CCSER1: variants seen among roughly 807,000 people sequenced by gnomAD.
CCSER1 encodes serine-rich coiled-coil domain-containing protein 1.
Under a neutral mutation model 82.0 loss-of-function variants are expected in CCSER1, and 41 were observed. The ratio of observed to expected loss-of-function variants is 0.50; its 90% confidence interval spans 0.39 to 0.65. CCSER1 has a LOEUF of 0.65. CCSER1 is among the 30% of genes least tolerant of loss of function. The pLI is 0.00. For synonymous variants in CCSER1, 414 were observed against 383.9 expected, an observed-to-expected ratio of 1.08 and a Z score of -0.92; for missense variants, 1,119 against 1,064.2, an observed-to-expected ratio of 1.05 and a Z score of -0.72.
chr4:91,463,697 C>T (rs866112428), intron 10 of CCSER1, among the ~76,000 whole-genome samples: 17 of 152,046 alleles, frequency 1.1e-4, no homozygotes, highest in African/African-American at 3.4e-4. Context: ...ACGAGAGCTA[C>T]GTGATTAATG....
At chr4:90,897,551 A>C (rs1447467212) in intron 8 of CCSER1, among the ~76,000 whole-genome samples, 1 of 152,040 alleles carries the variant, frequency 6.6e-6, no homozygotes, top group African/African-American at 2.4e-5. Flanking sequence ...ATAAACACTA[A>C]GGTTGGTTTC....
intron 8 of CCSER1, 113 bp downstream of exon 8, chr4:90,815,958 G>A (rs926346436): frequency 1.7e-6 from 1 of 599,748 alleles, no homozygotes; most frequent in Non-Finnish European, 2.9e-6. Flanking sequence ...CCTTCCAGTG[G>A]TTCAATCCAA....
At chr4:90,249,936 C>G (rs1722091133) in intron 1 of CCSER1, among the ~76,000 whole-genome samples, 1 of 152,170 alleles carries the variant, frequency 6.6e-6, no homozygotes, top group African/African-American at 2.4e-5. Flanking sequence ...TATAACCATC[C>G]TAGTGGGCAT....
intron 4 of CCSER1, among the ~76,000 whole-genome samples, chr4:90,414,957 A>G (rs1390377275): frequency 6.6e-6 from 1 of 152,188 alleles, no homozygotes; most frequent in East Asian, 1.9e-4. Context: ...AACACAGATA[A>G]AATAATAATC....
At chr4:90,724,070 A>T in intron 7 of CCSER1, 79 bp downstream of exon 7, 1 of 856,132 alleles carries the variant, frequency 1.2e-6, no homozygotes, top group East Asian at 2.8e-5. Flanking sequence ...TTATGTGTAG[A>T]TGGTGAAGTG....
At chr4:90,876,138 C>T (rs1264019341) in intron 8 of CCSER1, among the ~76,000 whole-genome samples, 1 of 151,940 alleles carries the variant, frequency 6.6e-6, no homozygotes, top group Non-Finnish European at 1.5e-5. Context: ...TTTTTCCCCT[C>T]TCTCCAGGAA....
At chr4:90,706,921 G>T (rs958803030) in intron 6 of CCSER1, among the ~76,000 whole-genome samples, 1 of 152,092 alleles carries the variant, frequency 6.6e-6, no homozygotes, top group African/African-American at 2.4e-5. Context: ...GCTCAATAGT[G>T]GATTTTTAAA....
chr4:90,153,693 A>C (rs943521996), intron 1 of CCSER1, among the ~76,000 whole-genome samples: 1 of 152,170 alleles, frequency 6.6e-6, no homozygotes, highest in Non-Finnish European at 1.5e-5. Flanking sequence ...TCTTTTGAGA[A>C]GTGTCTGTTC....
chr4:91,519,326 A>G (rs1327831413), intron 10 of CCSER1, among the ~76,000 whole-genome samples: 1 of 152,104 alleles, frequency 6.6e-6, no homozygotes, highest in Non-Finnish European at 1.5e-5. Flanking sequence ...ATGGCAGCCC[A>G]CCCCACCCTC....
In CCSER1 at chr4:91,004,470, T is replaced by C. The variant is rs924708015; in HGVS notation, c.2172+81023T>C. Among the ~76,000 whole-genome samples, 8 of 152,364 alleles carry C rather than the reference T, an allele frequency of 5.3e-5. No homozygotes were observed. In the South Asian group the frequency reaches 8.3e-4, roughly 16 times the overall value. On this transcript the variant is annotated intron_variant, in intron 9 of 10. Transcript: ENST00000509176. Reference sequence around the variant, plus strand: ...AGTTAATAAGTGATCATGAAATAATTTCATCTTTTCCTTAATGAAATCAAG... The same window carrying C: ...AGTTAATAAGTGATCATGAAATAATCTCATCTTTTCCTTAATGAAATCAAG...
At chr4:91,148,189 A>G (rs75432226) in intron 10 of CCSER1, among the ~76,000 whole-genome samples, 1,756 of 152,254 alleles carry the variant, frequency 0.012, 27 homozygotes, top group Admixed American at 0.039. Flanking sequence ...CTTAAAGATA[A>G]TTTTTACATT....
chr4:90,871,032 C>CT (rs549805429), intron 8 of CCSER1, among the ~76,000 whole-genome samples: 139 of 149,564 alleles, frequency 9.3e-4, no homozygotes, highest in Non-Finnish European at 1.7e-3. Flanking sequence ...GTAATGTCTC[C>CT]TTTTTTTTGT....
rs528763441 is a variant in CCSER1 at position 90,781,700 on chromosome 4, T to A, written c.2011-34062T>A. The A allele has an allele frequency of 5.1e-6, 5 of 971,302 alleles. No individual in the cohort carries two copies. The East Asian group carries it at 5.7e-4, about 111-fold the overall frequency. The allele number at this position is 971,302 out of a possible 1,614,324, so 60.2% of individuals were successfully genotyped here. A position where few individuals can be genotyped will look rare whatever the true frequency, so the allele number is the denominator to read the frequency against. ...CTTTAGATATTAGGGACAATAAAAA[T>A]ATCTGCAATTTTCCCAGTTTTATAT... On this transcript the variant is annotated intron_variant, in intron 7 of 10. Transcript: ENST00000509176.
At chr4:91,390,485 ACT>A (rs1264260888) in intron 10 of CCSER1, among the ~76,000 whole-genome samples, 1 of 151,460 alleles carries the variant, frequency 6.6e-6, no homozygotes, top group Non-Finnish European at 1.5e-5. Context: ...GAAAGGTATC[ACT>A]CTGTGGTTTT....
chr4:90,350,838 A>G (rs967611748), intron 3 of CCSER1, among the ~76,000 whole-genome samples: 3 of 152,150 alleles, frequency 2.0e-5, no homozygotes, highest in South Asian at 2.1e-4. Flanking sequence ...TAAAGATAAT[A>G]AATTCCCCCA....
intron 10 of CCSER1, among the ~76,000 whole-genome samples, chr4:91,382,032 G>A (rs945337474): frequency 6.6e-6 from 1 of 152,156 alleles, no homozygotes; most frequent in African/African-American, 2.4e-5. Context: ...TCCAGATCCT[G>A]TTTGCCTGGG....
At chr4:91,551,059 C>T (rs1036408048) in intron 10 of CCSER1, among the ~76,000 whole-genome samples, 1 of 151,952 alleles carries the variant, frequency 6.6e-6, no homozygotes, top group Non-Finnish European at 1.5e-5. Flanking sequence ...AAATATAATT[C>T]AAACTACTAT....
chr4:90,368,881 A>C (rs1049055313), intron 3 of CCSER1, among the ~76,000 whole-genome samples: 3 of 152,130 alleles, frequency 2.0e-5, no homozygotes, highest in Admixed American at 2.0e-4. Context: ...TCATTATTAG[A>C]AGCAAAACTT....
intron 10 of CCSER1, among the ~76,000 whole-genome samples, chr4:91,438,075 G>A (rs1409236517): frequency 6.6e-6 from 1 of 152,178 alleles, no homozygotes; most frequent in Non-Finnish European, 1.5e-5. Context: ...CAAAAAGACA[G>A]CAGTAACCTC....
Sources: gnomAD v4.1 joint callset for allele counts (sites outside exome capture counted in the v4.1 genomes callset) on GRCh38, gnomAD v4.1.1 for gene constraint, MANE v1.5 for transcripts, NCBI Gene and HGNC (gene_info 2026-07-23, HGNC 2026-07-21) for gene names.